FAT1: variants seen among roughly 807,000 people sequenced by gnomAD.
FAT1 encodes protocadherin Fat 1.
FAT1 carries 171 observed loss-of-function variants against 329.8 expected under a neutral mutation model. That is an observed-to-expected ratio of 0.52 (90% CI 0.46 to 0.59). FAT1 has a LOEUF of 0.59. FAT1 is among the 20% of genes least tolerant of loss of function. FAT1 has a pLI of 0.00. For synonymous variants in FAT1, 2,233 were observed against 2,228.6 expected (o/e 1.00, Z -0.06); for missense variants, 5,672 against 5,774.4 (o/e 0.98, Z 0.57).
At chr4:186,667,969 C>T (rs933777470) in intron 2 of FAT1, among the ~76,000 whole-genome samples, 1 of 152,122 alleles carries the variant, frequency 6.6e-6, no homozygotes, top group African/African-American at 2.4e-5. Flanking sequence ...TGCTGGGGAC[C>T]TGGTGGGGCT....
intron 2 of FAT1, among the ~76,000 whole-genome samples, chr4:186,664,906 C>T (rs1430785274): frequency 3.9e-5 from 6 of 152,158 alleles, no homozygotes; most frequent in African/African-American, 1.2e-4. Context: ...TACCTATGCT[C>T]AGCAATGAAA....
intron 2 of FAT1, among the ~76,000 whole-genome samples, chr4:186,675,782 A>AAC (rs66981811): frequency 0.066 from 9,488 of 143,036 alleles, 313 homozygotes; most frequent in Non-Finnish European, 0.08. Context: ...CCCTGTCTAA[A>AAC]ACACACACAC....
At chr4:186,646,951 G>C (rs960489317) in intron 3 of FAT1, among the ~76,000 whole-genome samples, 2 of 152,040 alleles carry the variant, frequency 1.3e-5, no homozygotes, top group Non-Finnish European at 2.9e-5. Flanking sequence ...AATTTGTTTT[G>C]TTTTTGCTTC....
intron 2 of FAT1, among the ~76,000 whole-genome samples, chr4:186,668,364 C>T (rs908597472): frequency 6.6e-6 from 1 of 152,104 alleles, no homozygotes; most frequent in African/African-American, 2.4e-5. Context: ...CAAAGAAAGA[C>T]CAGGGGTAGA....
chr4:186,719,510 A>T (rs935768218), intron 1 of FAT1, among the ~76,000 whole-genome samples: 5 of 152,214 alleles, frequency 3.3e-5, no homozygotes, highest in African/African-American at 9.6e-5. Flanking sequence ...GCAAAATAAC[A>T]GCTCTTCCAG....
chr4:186,723,509 C>T (rs1745555902), intron 1 of FAT1, among the ~76,000 whole-genome samples, 155 bp downstream of exon 1: 1 of 152,210 alleles, frequency 6.6e-6, no homozygotes, highest in African/African-American at 2.4e-5. Flanking sequence ...CTGGGAAGGA[C>T]CGAGTCACTC....
At position 186,656,948 on chromosome 4, in the gene FAT1, G is replaced by A. The variant is rs574435901; in HGVS notation, c.3580+6351C>T. On this transcript the variant is annotated intron_variant, in intron 3 of 26. Coordinates refer to ENST00000441802, the MANE Select transcript of FAT1 (RefSeq NM_005245.4). ...AGCTGACCTTCCACTTCTAGTAAGG[G>A]ATCAGATTTATGCTTTAACATAAAA... 7.9e-5 allele frequency among the ~76,000 whole-genome samples: 12 copies of A among 152,120 alleles called. No homozygotes were observed. The East Asian group carries it at 2.1e-3, about 27-fold the overall frequency.
chr4:186,605,783 G>C (rs975788392), intron 17 of FAT1, among the ~76,000 whole-genome samples: 2 of 151,872 alleles, frequency 1.3e-5, no homozygotes, highest in African/African-American at 4.8e-5. Flanking sequence ...GGGGGGAGGA[G>C]AGGGCAGAGG....
rs546255152 is a variant in FAT1, at chr4:186,595,789, C to A, written c.13038G>T (p.Lys4346Asn). Reference sequence around the variant, plus strand: ...GCTGGGAAGGCTTTTCCTCTAGAGGCTTCTTGGAAAGACAGGGATCAAGAT... The same window carrying A: ...GCTGGGAAGGCTTTTCCTCTAGAGGATTCTTGGAAAGACAGGGATCAAGAT... The part of the protein sequence containing the change: ...VVDLDPCLSK[K>N]PLEEKPSQPY... Residue 4346 changes from lysine to asparagine, a missense_variant, in exon 26 of 27, where the codon AAG (lysine) becomes AAT (asparagine). By Grantham distance (94) the Lys-to-Asn change is moderately conservative. Around this residue, in one of 2 missense-constraint regions of FAT1, gnomAD observed 1,706 missense variants for 1,859.1 expected, o/e 0.92. Transcript: ENST00000441802. 6.2e-7 allele frequency: 1 copy of A among 1,613,976 alleles called. No individual in the cohort carries two copies. The highest frequency in any genetic ancestry group is 2.2e-5 in the East Asian group (1 of 44,878).
chr4:186,602,669 T>G (rs1369434191), intron 20 of FAT1, among the ~76,000 whole-genome samples: 1 of 152,206 alleles, frequency 6.6e-6, no homozygotes, highest in Admixed American at 6.5e-5. Flanking sequence ...GTTAGCTGTA[T>G]GTCTATATAA....
Position 186,713,087 on chromosome 4 carries a change from T to C in FAT1, c.-18-3242A>G, listed in dbSNP as rs1579498978. 2.0e-5 allele frequency among the ~76,000 whole-genome samples: 3 copies of C among 152,046 alleles called. No homozygotes were observed. In the Middle Eastern group the frequency reaches 0.01, roughly 517 times the overall value. On this transcript the variant is annotated intron_variant, in intron 1 of 26. Coordinates refer to ENST00000441802, the MANE Select transcript of FAT1 (RefSeq NM_005245.4). ...AACATCTCACTTTAGTACATTATACTAGATACAACTAACAAACCAGTACTG... is the reference window on the plus strand; with the variant it reads ...AACATCTCACTTTAGTACATTATACCAGATACAACTAACAAACCAGTACTG...
At position 186,708,862 on chromosome 4, in the gene FAT1, G is replaced by A. The variant is rs2126699676; in HGVS notation, c.966C>T (p.Gly322=). The A allele has an allele frequency of 6.2e-7, 1 of 1,613,912 alleles. No homozygotes were observed. The highest frequency in any genetic ancestry group is 1.1e-5 in the South Asian group (1 of 91,078). Residue 322 remains glycine (G), a synonymous_variant, in exon 2 of 27, where the codon GGC becomes GGT. Coordinates refer to ENST00000441802, the MANE Select transcript of FAT1 (RefSeq NM_005245.4). The stretch of plus-strand genomic sequence containing the variant: ...CGAAAGGATGACTGTCCCAATCAAT[G>A]CCACCGATGGCTTTGACTTTATACT... ...SKEYKVKAIG[G]IDWDSHPFGY...
At chr4:186,601,631 C>T (rs949017980) in intron 20 of FAT1, 32 of 431,898 alleles carry the variant, frequency 7.4e-5, no homozygotes, top group African/African-American at 2.7e-4. Flanking sequence ...ATAAATTTGA[C>T]GACTGCATCA....
chr4:186,591,860 A>G (rs1466529313), intron 26 of FAT1, among the ~76,000 whole-genome samples: 1 of 152,122 alleles, frequency 6.6e-6, no homozygotes, highest in Non-Finnish European at 1.5e-5. Context: ...TCCTAGCATA[A>G]AGGATCCCCC....
intron 11 of FAT1, among the ~76,000 whole-genome samples, chr4:186,616,409 C>T (rs1739713474): frequency 6.6e-6 from 1 of 152,128 alleles, no homozygotes; most frequent in African/African-American, 2.4e-5. Flanking sequence ...CCACCCACTC[C>T]TGACGACCCA....
At chr4:186,715,927 T>A (rs6820311) in intron 1 of FAT1, among the ~76,000 whole-genome samples, 3,641 of 152,278 alleles carry the variant, frequency 0.024, 157 homozygotes, top group African/African-American at 0.083. Flanking sequence ...TCATATTTCT[T>A]CATTAGGGAG....
chr4:186,611,828 T>C (rs1479009002), intron 13 of FAT1, 53 bp from the exon 14 acceptor site: 31 of 323,638 alleles, frequency 9.6e-5, no homozygotes, highest in South Asian at 8.9e-5. Context: ...AGTTTAACAC[T>C]TTTTTTTTTT....
At chr4:186,681,185 A>G (rs1332497841) in intron 2 of FAT1, among the ~76,000 whole-genome samples, 1 of 152,196 alleles carries the variant, frequency 6.6e-6, no homozygotes, top group Non-Finnish European at 1.5e-5. Flanking sequence ...TAACTGTCCC[A>G]ACTCAGCATT....
rs759729482 is a variant in FAT1, at chr4:186,609,222, C to T, written c.10167G>A (p.Arg3389=). Residue 3389 remains arginine (R), a synonymous_variant, in exon 16 of 27, where the codon AGG becomes AGA. Coordinates refer to ENST00000441802, the MANE Select transcript of FAT1 (RefSeq NM_005245.4). ...QGSSFTIDPV[R]GEVKVTKLLD... is the part of the protein sequence containing the mutation. ...GAAGTTTGGTCACTTTGACTTCTCC[C>T]CTGACGGGGTCAATTGTGAACGAGC... 13 of 1,613,990 alleles carry T rather than the reference C, an allele frequency of 8.1e-6. No individual in the cohort carries two copies. The East Asian group carries it at 2.0e-4, about 25-fold the overall frequency.
Sources: allele counts gnomAD v4.1 joint callset (sites outside exome capture counted in the v4.1 genomes callset), GRCh38; gene constraint gnomAD v4.1.1; regional missense constraint gnomAD v4.1.1; transcripts MANE v1.5; gene names NCBI Gene and HGNC (gene_info 2026-07-23, HGNC 2026-07-21).